Variants in TGFA observed in about 807,000 individuals in gnomAD.
TGFA encodes transforming growth factor alpha.
In TGFA, 12 loss-of-function variants were observed where a neutral mutation model predicts 21.7. The observed-to-expected ratio is 0.55, with a 90% confidence interval of 0.35 to 0.90. The LOEUF (loss-of-function observed/expected upper bound fraction) is 0.90. TGFA is among the 40% of genes least tolerant of loss of function. TGFA has a pLI of 0.01. For synonymous variants in TGFA, 79 were observed against 88.1 expected (o/e 0.90, Z 0.58); for missense variants, 178 against 210.8 (o/e 0.84, Z 0.96).
intron 2 of TGFA, among the ~76,000 whole-genome samples, chr2:70,472,306 T>C (rs1670775728): frequency 6.6e-6 from 1 of 152,160 alleles, no homozygotes; most frequent in South Asian, 2.1e-4. Context: ...AAAGCAAATG[T>C]TCCAGGTTTT....
rs142340700 is a variant in TGFA, at chr2:70,454,196, C to T, written c.366-869G>A. 2.6e-5 allele frequency among the ~76,000 whole-genome samples: 4 copies of T among 152,246 alleles called. No individual in the cohort carries two copies. In the East Asian group the frequency reaches 7.7e-4, roughly 29 times the overall value. On this transcript the variant is annotated intron_variant, in intron 4 of 5. Transcript: ENST00000295400. ...GTTAGGAGAAATTTCCTAAGGTGAG[C>T]CAGGTGGCAGAGATGAAGAAATAAG...
chr2:70,510,195 C>T (rs987429501), intron 2 of TGFA, among the ~76,000 whole-genome samples: 4 of 152,192 alleles, frequency 2.6e-5, no homozygotes, highest in African/African-American at 9.7e-5. Context: ...ATGGGAGGCT[C>T]CTTGAGGACA....
At chr2:70,529,590 C>CCCA (rs1553503458) in intron 1 of TGFA, among the ~76,000 whole-genome samples, 2 of 148,676 alleles carry the variant, frequency 1.3e-5, no homozygotes, top group Non-Finnish European at 3.0e-5. Context: ...GGAGTGAATC[C>CCCA]CCCCGCCCCA....
At chr2:70,475,781 T>A (rs1470899958) in intron 2 of TGFA, among the ~76,000 whole-genome samples, 3 of 152,108 alleles carry the variant, frequency 2.0e-5, no homozygotes, top group Non-Finnish European at 2.9e-5. Flanking sequence ...CATCCAAAGA[T>A]GCACGACATA....
chr2:70,476,080 C>CAGAAA (rs1670915929), intron 2 of TGFA, among the ~76,000 whole-genome samples: 1 of 55,632 alleles, frequency 1.8e-5, no homozygotes, highest in Non-Finnish European at 3.1e-5. Context: ...TAATTTTAAG[C>CAGAAA]AAAAAAAAAA....
chr2:70,501,991 T>C (rs781839478), intron 2 of TGFA, among the ~76,000 whole-genome samples: 1 of 152,228 alleles, frequency 6.6e-6, no homozygotes, highest in Non-Finnish European at 1.5e-5. Flanking sequence ...CCTCTGTGCT[T>C]GTGTGGCAGG....
chr2:70,547,285 A>T (rs1673335186), intron 1 of TGFA, among the ~76,000 whole-genome samples: 1 of 152,170 alleles, frequency 6.6e-6, no homozygotes, highest in Non-Finnish European at 1.5e-5. Flanking sequence ...CTATAGATGA[A>T]TGTTTAATGA....
At chr2:70,537,412 T>G (rs1016809707) in intron 1 of TGFA, among the ~76,000 whole-genome samples, 6 of 152,248 alleles carry the variant, frequency 3.9e-5, no homozygotes, top group African/African-American at 1.4e-4. Flanking sequence ...TTGCACTTAG[T>G]GAAGTCTGCA....
Position 70,451,771 on chromosome 2 carries a change from A to G in TGFA, c.476-905T>C, listed in dbSNP as rs782119207. On this transcript the variant is annotated intron_variant, in intron 5 of 5. Transcript: ENST00000295400. ...ATTAGCCCAAGGTAGCTGAAAGGAG[A>G]TGTTGAGAGGGGGCTTTAGAGGCCC... is the stretch of plus-strand genomic sequence containing the variant. 3.3e-5 allele frequency: 23 copies of G among 701,904 alleles called. 1 individual carries two copies. Among genetic ancestry groups the G allele is most frequent in the Non-Finnish European group, 3.9e-5 (15 of 384,770 alleles). 43.5% of individuals were successfully genotyped at this position (701,904 alleles called of 1,614,324 possible). A position where few individuals can be genotyped will look rare whatever the true frequency, so the allele number is the denominator to read the frequency against.
intron 1 of TGFA, among the ~76,000 whole-genome samples, chr2:70,518,577 G>A (rs1223843705): frequency 2.0e-5 from 3 of 152,214 alleles, no homozygotes; most frequent in African/African-American, 4.8e-5. Flanking sequence ...ATGCTCTTAA[G>A]AGAGGCTGGA....
intron 1 of TGFA, among the ~76,000 whole-genome samples, chr2:70,538,050 G>A (rs1374799916): frequency 6.6e-6 from 1 of 152,110 alleles, no homozygotes; most frequent in Non-Finnish European, 1.5e-5. Context: ...AGATTCCAAA[G>A]TCCTTATGCT....
At chr2:70,519,855 C>T (rs1237982580) in intron 1 of TGFA, among the ~76,000 whole-genome samples, 2 of 152,226 alleles carry the variant, frequency 1.3e-5, no homozygotes, top group African/African-American at 4.8e-5. Flanking sequence ...CACCACAACC[C>T]CCTACCACTT....
At chr2:70,479,268 TTA>T (rs1553494994) in intron 2 of TGFA, among the ~76,000 whole-genome samples, 1 of 152,228 alleles carries the variant, frequency 6.6e-6, no homozygotes, top group African/African-American at 2.4e-5. Flanking sequence ...TAACGAAATA[TTA>T]TATGTCTGAG....
intron 3 of TGFA, among the ~76,000 whole-genome samples, chr2:70,465,058 C>G (rs1217139015): frequency 1.3e-5 from 2 of 152,196 alleles, no homozygotes; most frequent in Non-Finnish European, 2.9e-5. Context: ...TCGAGAAGCC[C>G]CCCAAGGAGG....
intron 3 of TGFA, among the ~76,000 whole-genome samples, chr2:70,464,608 A>G (rs1709587147): frequency 6.6e-6 from 1 of 152,162 alleles, no homozygotes; most frequent in African/African-American, 2.4e-5. Flanking sequence ...AGTTTCCACA[A>G]CAGAATGACC....
intron 2 of TGFA, among the ~76,000 whole-genome samples, chr2:70,511,186 C>A (rs1360788854): frequency 4.6e-5 from 7 of 152,140 alleles, no homozygotes; most frequent in Admixed American, 2.0e-4. Flanking sequence ...ATCTTGCATC[C>A]GTTATTATTT....
intron 1 of TGFA, among the ~76,000 whole-genome samples, chr2:70,540,230 A>G (rs986298327): frequency 6.6e-6 from 1 of 152,336 alleles, no homozygotes; most frequent in East Asian, 1.9e-4. Flanking sequence ...AGTGATGGGT[A>G]TCCACTGGAA....
At chr2:70,480,237 A>G (rs1228364334) in intron 2 of TGFA, among the ~76,000 whole-genome samples, 1 of 152,140 alleles carries the variant, frequency 6.6e-6, no homozygotes, top group African/African-American at 2.4e-5. Flanking sequence ...TTTGTCACTT[A>G]TTGTGGCCTT....
At chr2:70,515,388 T>C (rs1289063237) in intron 1 of TGFA, among the ~76,000 whole-genome samples, 3 of 152,084 alleles carry the variant, frequency 2.0e-5, no homozygotes, top group Non-Finnish European at 4.4e-5. Flanking sequence ...TACCCACAGG[T>C]TGAGTGCAGC....
Sources: gnomAD v4.1 joint callset for allele counts (sites outside exome capture counted in the v4.1 genomes callset) on GRCh38, gnomAD v4.1.1 for gene constraint, MANE v1.5 for transcripts, NCBI Gene and HGNC (gene_info 2026-07-23, HGNC 2026-07-21) for gene names.